The following SETD1B variants were observed in gnomAD, a reference collection of about 807,000 sequenced individuals.
SETD1B encodes histone-lysine N-methyltransferase SETD1B.
SETD1B carries 7 observed loss-of-function variants against 148.0 expected under a neutral mutation model. The ratio of observed to expected loss-of-function variants is 0.05; its 90% confidence interval spans 0.03 to 0.09. The LOEUF is 0.09. Among genes scored for constraint, SETD1B ranks in the 10% least tolerant of loss-of-function variants. The pLI is 1.00. For synonymous variants in SETD1B, 1,361 were observed against 1,186.5 expected, an observed-to-expected ratio of 1.15 and a Z score of -3.02; for missense variants, 2,155 against 2,729.9, an observed-to-expected ratio of 0.79 and a Z score of 4.69.
chr12:121,815,032 C>A, intron 7 of SETD1B, 102 bp downstream of exon 7: 1 of 1,096,830 alleles, frequency 9.1e-7, no homozygotes, highest in Non-Finnish European at 1.3e-6. Flanking sequence ...GGAAACGCTG[C>A]CGTGGACCCC....
rs543713948 is a variant in SETD1B, at chr12:121,817,765, G to A, written c.3313-34G>A. 17 of 1,542,074 alleles carry A rather than the reference G, an allele frequency of 1.1e-5. No homozygotes were observed. The highest frequency in any genetic ancestry group is 5.5e-5 in the African/African-American group (4 of 72,960). On this transcript the variant is annotated intron_variant, in intron 9 of 16. Transcript: ENST00000604567. This position sits in a 1 kb window ranked among gnomAD's most constrained non-coding sequence, Gnocchi z 8.1. ...CCAGGCGACGAGGGCCAGACCCTTC[G>A]GCTCACCTGTCCCCACTCTTCCTTC...
Position 121,814,564 on chromosome 12 carries a change from C to T in SETD1B, c.2349C>T (p.Ser783=). ...TCCAGATGCAAACGCAGGTGCTCAGCCGGCTGATGACGGGCCAGGGCGCCT... is the reference window on the plus strand; with the variant it reads ...TCCAGATGCAAACGCAGGTGCTCAGTCGGCTGATGACGGGCCAGGGCGCCT... ...MSFQMQTQVL[S]RLMTGQGACP... is the part of the protein sequence containing the mutation. Residue 783 remains serine (S), a synonymous_variant, in exon 7 of 17, where the codon AGC becomes AGT. Coordinates refer to ENST00000604567, the MANE Select transcript of SETD1B (RefSeq NM_001353345.2). 6.6e-7 allele frequency: 1 copy of T among 1,504,780 alleles called. No individual in the cohort carries two copies. The highest frequency in any genetic ancestry group is 1.3e-5 in the South Asian group (1 of 77,484). The allele number at this position is 1,504,780 out of a possible 1,614,324, so 93.2% of individuals were successfully genotyped here. A position where few individuals can be genotyped will look rare whatever the true frequency, so the allele number is the denominator to read the frequency against.
rs1188271803 is a variant in SETD1B at position 121,807,437 on chromosome 12, A to C, written c.545-771A>C. Reference sequence around the variant, plus strand: ...AGCAGCCAGGTCTCAACAAAATTTCAATTCTGTAAAAAAAAAAAAAAAAAG... The same window carrying C: ...AGCAGCCAGGTCTCAACAAAATTTCCATTCTGTAAAAAAAAAAAAAAAAAG... On this transcript the variant is annotated intron_variant, in intron 4 of 16. Transcript: ENST00000604567. Among the ~76,000 whole-genome samples, 3 of 84,424 alleles carry C rather than the reference A, an allele frequency of 3.6e-5. No homozygotes were observed. The East Asian group carries it at 1.5e-3, about 42-fold the overall frequency. 55.4% of individuals were successfully genotyped at this position (84,424 alleles called of 152,430 possible).
chr12:121,809,555 C>G lies in SETD1B; in HGVS notation c.658-48C>G. Reference sequence around the variant, plus strand: ...AGTGAGAAGGGAAAATAGCCCTGTTCCATTGCATGTTTTCCCCCAGTGGTC... The same window carrying G: ...AGTGAGAAGGGAAAATAGCCCTGTTGCATTGCATGTTTTCCCCCAGTGGTC... On this transcript the variant is annotated intron_variant, in intron 5 of 16. Transcript: ENST00000604567. 6.0e-6 allele frequency: 9 copies of G among 1,493,674 alleles called. No individual in the cohort carries two copies. The South Asian group carries it at 1.1e-4, about 18-fold the overall frequency. The allele number at this position is 1,493,674 out of a possible 1,614,324, so 92.5% of individuals were successfully genotyped here. A position where few individuals can be genotyped will look rare whatever the true frequency, so the allele number is the denominator to read the frequency against.
chr12:121,826,602 C>T, intron 13 of SETD1B, among the ~76,000 whole-genome samples: 1 of 151,912 alleles, frequency 6.6e-6, no homozygotes, highest in Non-Finnish European at 1.5e-5. Flanking sequence ...GGTAAGTGAC[C>T]TGTCTCCTGG....
chr12:121,800,029 G>A (rs1875250019), upstream of SETD1B: 1 of 152,220 alleles, frequency 6.6e-6, no homozygotes. Context: ...ATACACAGCA[G>A]ACGGGCTCCG....
upstream of SETD1B, chr12:121,799,319 G>A (rs1363494961): frequency 6.6e-6 from 1 of 152,280 alleles, no homozygotes; most frequent in African/African-American, 2.4e-5. Context: ...GGGGACTGGA[G>A]AAGAAAACAA....
the SETD1B span, chr12:121,793,002 G>T: frequency 1.5e-6 from 1 of 670,410 alleles, no homozygotes; most frequent in Non-Finnish European, 2.5e-6. Context: ...GGGCCCCGCA[G>T]CCAGCGCCCC....
intron 10 of SETD1B, among the ~76,000 whole-genome samples, chr12:121,819,193 G>A (rs1450815668): frequency 6.6e-6 from 1 of 152,172 alleles, no homozygotes; most frequent in Non-Finnish European, 1.5e-5. Flanking sequence ...GCAGTGAGCC[G>A]AGATCGTGCC....
Position 121,810,229 on chromosome 12 carries a change from C to A in SETD1B, c.1284C>A (p.Phe428Leu). The A allele has an allele frequency of 6.5e-7, 1 of 1,548,206 alleles. No homozygotes were observed. The highest frequency in any genetic ancestry group is 8.7e-7 in the Non-Finnish European group (1 of 1,146,848). Residue 428 changes from phenylalanine to leucine, a missense_variant, in exon 6 of 17, where the codon TTC (phenylalanine) becomes TTA (leucine). Phe to Leu is a conservative substitution (Grantham distance 22). This residue lies in a region of SETD1B where 376 missense variants were observed against 385.0 expected (regional missense o/e 0.98). Transcript: ENST00000604567. The surrounding 1 kb of genome is among the most constrained non-coding windows in gnomAD (Gnocchi z 7.6). ...AAFGARDSGEFRRAPAPPPLP... is the reference protein window; with the variant it reads ...AAFGARDSGELRRAPAPPPLP... ...TTGGGGCCCGCGACAGTGGGGAGTT[C>A]CGGAGGGCACCGGCGCCCCCACCCC...
rs545391142 is a variant in SETD1B, at chr12:121,804,932, C to A, written c.174+21C>A. The A allele has an allele frequency of 2.0e-6, 3 of 1,478,588 alleles. No individual in the cohort carries two copies. Among genetic ancestry groups the A allele is most frequent in the Admixed American group, 5.0e-5 (2 of 40,006 alleles). 91.6% of individuals were successfully genotyped at this position (1,478,588 alleles called of 1,614,324 possible). On this transcript the variant is annotated intron_variant, in intron 2 of 16. Transcript: ENST00000604567. The surrounding 1 kb of genome is among the most constrained non-coding windows in gnomAD (Gnocchi z 4.6). Reference sequence around the variant, plus strand: ...TGGCGGTGAGTAGCCGGCGCGCCCCCCCAGCCGTGCCCCGCGTCGTGTCCG... The same window carrying A: ...TGGCGGTGAGTAGCCGGCGCGCCCCACCAGCCGTGCCCCGCGTCGTGTCCG...
Position 121,805,704 on chromosome 12 carries a change from T to G in SETD1B, c.274-131T>G. The G allele has an allele frequency of 1.3e-6, 1 of 742,364 alleles. No homozygotes were observed. The highest frequency in any genetic ancestry group is 1.9e-6 in the Non-Finnish European group (1 of 539,838). 46.0% of individuals were successfully genotyped at this position (742,364 alleles called of 1,614,324 possible). A position where few individuals can be genotyped will look rare whatever the true frequency, so the allele number is the denominator to read the frequency against. On this transcript the variant is annotated intron_variant, in intron 3 of 16. Transcript: ENST00000604567. This position sits in a 1 kb window ranked among gnomAD's most constrained non-coding sequence, Gnocchi z 4.2. ...TCCAAAAAAAATTTTTTTTTTTTTTTTAATTTTTAGTTTTTTTACCCTTTA... is the reference window on the plus strand; with the variant it reads ...TCCAAAAAAAATTTTTTTTTTTTTTGTAATTTTTAGTTTTTTTACCCTTTA...
At chr12:121,793,594 C>G in the SETD1B span, 1 of 1,551,646 alleles carries the variant, frequency 6.4e-7, no homozygotes, top group Non-Finnish European at 8.7e-7. Context: ...CTGCCCGGAC[C>G]GGGGGCGGCG....
In SETD1B at chr12:121,824,903, T is replaced by C. The variant is rs942417426; in HGVS notation, c.5171-297T>C. On this transcript the variant is annotated intron_variant, in intron 12 of 16. Coordinates refer to ENST00000604567, the MANE Select transcript of SETD1B (RefSeq NM_001353345.2). Reference sequence around the variant, plus strand: ...GGTGGCGCACGCCTGTAGCCCCAGCTGCTCAGAAGGCTGAGGCTGCAGTAA... The same window carrying C: ...GGTGGCGCACGCCTGTAGCCCCAGCCGCTCAGAAGGCTGAGGCTGCAGTAA... Among the ~76,000 whole-genome samples the C allele has an allele frequency of 3.4e-5, 5 of 148,528 alleles. No homozygotes were observed. In the East Asian group the frequency reaches 1.0e-3, roughly 30 times the overall value.
rs1464098933 is a variant in SETD1B at position 121,830,116 on chromosome 12, C to T, written c.5778C>T (p.Val1926=). The change falls in exon 17 of 17, where the codon GTC becomes GTT. Residue 1926 remains valine, a synonymous_variant. Coordinates refer to ENST00000604567, the MANE Select transcript of SETD1B (RefSeq NM_001353345.2). This position sits in a 1 kb window ranked among gnomAD's most constrained non-coding sequence, Gnocchi z 5.7. Reference sequence around the variant, plus strand: ...CGGTGGAGTCACAGAAGAAGATAGTCATCTACTCGAAGCAGCACATTAACG... The same window carrying T: ...CGGTGGAGTCACAGAAGAAGATAGTTATCTACTCGAAGCAGCACATTAACG... ...VITVESQKKI[V]IYSKQHINVN... The T allele has an allele frequency of 1.3e-6, 2 of 1,551,324 alleles. No individual in the cohort carries two copies. Among genetic ancestry groups the T allele is most frequent in the East Asian group, 2.4e-5 (1 of 40,918 alleles).
Position 121,806,057 on chromosome 12 carries a change from A to G in SETD1B, c.496A>G (p.Ser166Gly). ...CAAGGATGCCGTTCAGCACTTGCAC[A>G]GCACTTCCGTCATGGGCAACATTAT... Reference protein sequence around the residue: ...GAKDAVQHLHSTSVMGNIIHV... With the variant: ...GAKDAVQHLHGTSVMGNIIHV... Residue 166 changes from serine (S) to glycine (G), a missense_variant, in exon 4 of 17, where the codon AGC (serine) becomes GGC (glycine). Coordinates refer to ENST00000604567, the MANE Select transcript of SETD1B (RefSeq NM_001353345.2). 1 of 1,551,674 alleles carries G rather than the reference A, an allele frequency of 6.4e-7. No individual in the cohort carries two copies. Among genetic ancestry groups the G allele is most frequent in the South Asian group, 1.2e-5 (1 of 84,054 alleles).
At chr12:121,796,767 C>G in the SETD1B span, among the ~76,000 whole-genome samples, 1 of 152,202 alleles carries the variant, frequency 6.6e-6, no homozygotes, top group African/African-American at 2.4e-5. Flanking sequence ...TCCGGCCAGG[C>G]GCGGTGGCTC....
At chr12:121,825,436 A>C in intron 13 of SETD1B, 70 bp downstream of exon 13, 1 of 1,212,588 alleles carries the variant, frequency 8.2e-7, no homozygotes, top group Non-Finnish European at 1.1e-6. Context: ...GCACTCATGG[A>C]GGGGTGCCAG....
At position 121,805,160 on chromosome 12, in the gene SETD1B, G is replaced by T; in HGVS notation, c.217G>T (p.Val73Phe). 1 of 1,551,598 alleles carries T rather than the reference G, an allele frequency of 6.4e-7. No individual in the cohort carries two copies. The highest frequency in any genetic ancestry group is 8.7e-7 in the Non-Finnish European group (1 of 1,146,966). Reference protein sequence around the residue: ...RPVEIVEDPRVVGIWTKNKEL... With the variant: ...RPVEIVEDPRFVGIWTKNKEL... ...GGTGGAAATTGTCGAAGATCCCCGGGTCGTCGGGATCTGGACCAAAAACAA... is the reference window on the plus strand; with the variant it reads ...GGTGGAAATTGTCGAAGATCCCCGGTTCGTCGGGATCTGGACCAAAAACAA... The change falls in exon 3 of 17, where the codon GTC becomes TTC. Residue 73 changes from valine to phenylalanine, a missense_variant. Val to Phe is a conservative substitution (Grantham distance 50). This residue lies in a region of SETD1B where 124 missense variants were observed against 282.9 expected (regional missense o/e 0.44). Coordinates refer to ENST00000604567, the MANE Select transcript of SETD1B (RefSeq NM_001353345.2). This position sits in a 1 kb window ranked among gnomAD's most constrained non-coding sequence, Gnocchi z 4.2.
Sources: allele counts gnomAD v4.1 joint callset (sites outside exome capture counted in the v4.1 genomes callset), GRCh38; gene constraint gnomAD v4.1.1; regional missense constraint gnomAD v4.1.1; non-coding constraint Gnocchi (gnomAD v3.1); transcripts MANE v1.5; gene names NCBI Gene and HGNC (gene_info 2026-07-23, HGNC 2026-07-21).